CATSPERE: variants seen among roughly 807,000 people sequenced by gnomAD.
CATSPERE encodes cation channel sperm-associated auxiliary subunit epsilon.
In CATSPERE, 93 loss-of-function variants were observed where a neutral mutation model predicts 114.1. That is an observed-to-expected ratio of 0.81 (90% CI 0.69 to 0.97). The LOEUF is 0.97. CATSPERE is among the 50% of genes least tolerant of loss of function. The probability of loss-of-function intolerance (pLI) is 0.00; values close to 1 mark genes in which losing one functional copy is unlikely to be tolerated. For missense variants in CATSPERE, 1,058 were observed against 1,131.6 expected, an observed-to-expected ratio of 0.93 and a Z score of 0.93; for synonymous variants, 341 against 384.1, an observed-to-expected ratio of 0.89 and a Z score of 1.31.
At chr1:244,606,941 C>T (rs1461077241) in intron 18 of CATSPERE, among the ~76,000 whole-genome samples, 1 of 152,020 alleles carries the variant, frequency 6.6e-6, no homozygotes, top group Non-Finnish European at 1.5e-5. Context: ...TCCGTCCCAC[C>T]ACACATTCCA....
chr1:244,545,355 A>T (rs747354798), intron 8 of CATSPERE, among the ~76,000 whole-genome samples: 1 of 152,200 alleles, frequency 6.6e-6, no homozygotes, highest in Non-Finnish European at 1.5e-5. Flanking sequence ...TGGGATTGTT[A>T]TGCTGGGCCA....
chr1:244,555,436 T>C (rs1661441074), intron 9 of CATSPERE, among the ~76,000 whole-genome samples: 1 of 150,076 alleles, frequency 6.7e-6, no homozygotes, highest in South Asian at 2.1e-4. Context: ...CTCAAAATTA[T>C]AAAAGCCATA....
At chr1:244,460,922 AAAC>A (rs558584933), upstream of CATSPERE, among the ~76,000 whole-genome samples, 95 of 152,338 alleles carry the variant, frequency 6.2e-4, no homozygotes, top group African/African-American at 1.8e-3. Flanking sequence ...TCTCAAAAAC[AAAC>A]AACAACAAAA....
At chr1:244,632,270 T>G (rs1329067352) in intron 20 of CATSPERE, among the ~76,000 whole-genome samples, 1 of 151,726 alleles carries the variant, frequency 6.6e-6, no homozygotes, top group Non-Finnish European at 1.5e-5. Flanking sequence ...GGTGTGCGCC[T>G]TTAATGCCAG....
intron 5 of CATSPERE, 82 bp downstream of exon 5, chr1:244,479,866 T>G: frequency 4.2e-6 from 3 of 716,620 alleles, no homozygotes; most frequent in Middle Eastern, 3.5e-4. Flanking sequence ...AAATAGATTA[T>G]CTATATTACG....
chr1:244,610,309 G>A lies in CATSPERE; in HGVS notation c.2473G>A (p.Glu825Lys), dbSNP rs1670537418. 1 of 1,611,352 alleles carries A rather than the reference G, an allele frequency of 6.2e-7. No homozygotes were observed. The highest frequency in any genetic ancestry group is 8.5e-7 in the Non-Finnish European group (1 of 1,177,868). Residue 825 changes from glutamate to lysine, a missense_variant, in exon 19 of 22, where the codon GAA (glutamate) becomes AAA (lysine). Physicochemically the swap from Glu to Lys is moderately conservative, Grantham distance 56 (BLOSUM62 1). Around this residue, in one of 2 missense-constraint regions of CATSPERE, gnomAD observed 787 missense variants for 905.6 expected, o/e 0.87. Transcript: ENST00000366534. ...ACTTAACAAGCACCTCCCACTAGAA[G>A]AAGTCTGGGGACCTGAGGTAAGAGA... ...IELNKHLPLEEVWGPENYKHC... is the reference protein window; with the variant it reads ...IELNKHLPLEKVWGPENYKHC...
rs1240366770 is a variant in CATSPERE, at chr1:244,518,598, A to G, written c.436A>G (p.Ile146Val). ...ATTTAATTTGTTTTTACAGAATTCCATAGTACTCAGCACACAGATGGCCAC... is the reference window on the plus strand; with the variant it reads ...ATTTAATTTGTTTTTACAGAATTCCGTAGTACTCAGCACACAGATGGCCAC... ...GNAEEPSINS[I>V]VLSTQMATLG... The change falls in exon 8 of 22, where the codon ATA (isoleucine) becomes GTA (valine). Residue 146 changes from isoleucine to valine, a missense_variant. Physicochemically the swap from Ile to Val is conservative, Grantham distance 29. Coordinates refer to ENST00000366534, the MANE Select transcript of CATSPERE (RefSeq NM_001130957.2). The G allele has an allele frequency of 6.4e-7, 1 of 1,561,202 alleles. No homozygotes were observed. The highest frequency in any genetic ancestry group is 1.4e-5 in the African/African-American group (1 of 73,826).
At chr1:244,629,167 C>A (rs531047379) in intron 20 of CATSPERE, among the ~76,000 whole-genome samples, 54 of 152,292 alleles carry the variant, frequency 3.5e-4, no homozygotes, top group African/African-American at 1.2e-3. Flanking sequence ...ATCAGAACTT[C>A]CGCAGTCACA....
intron 7 of CATSPERE, among the ~76,000 whole-genome samples, chr1:244,514,685 TG>T (rs1222948404): frequency 5.3e-5 from 8 of 151,808 alleles, no homozygotes; most frequent in African/African-American, 1.7e-4. Context: ...AAAAATTAGC[TG>T]GGCGTTGTGG....
chr1:244,558,993 T>C (rs1662127306), intron 9 of CATSPERE, among the ~76,000 whole-genome samples: 2 of 152,176 alleles, frequency 1.3e-5, no homozygotes, highest in Non-Finnish European at 2.9e-5. Flanking sequence ...AAAGACTTAC[T>C]ACCTTACATT....
At chr1:244,627,984 A>T (rs1673424687) in intron 20 of CATSPERE, among the ~76,000 whole-genome samples, 1 of 152,212 alleles carries the variant, frequency 6.6e-6, no homozygotes, top group Non-Finnish European at 1.5e-5. Context: ...AACCTGCCTG[A>T]TAGTCACTTA....
At chr1:244,627,178 A>G (rs998799032) in intron 20 of CATSPERE, among the ~76,000 whole-genome samples, 3 of 152,162 alleles carry the variant, frequency 2.0e-5, no homozygotes, top group African/African-American at 7.2e-5. Flanking sequence ...GGGGTCAGTG[A>G]TCAGTCAGAG....
Position 244,621,142 on chromosome 1 carries a change from A to ATATC in CATSPERE, c.2648+3459_2648+3460insCTAT, listed in dbSNP as rs1672179665. ...ATATATATATAAATATATATAAAAT[A>ATATC]TATATATTATAAAATATATATATTA... is the stretch of plus-strand genomic sequence containing the variant. On this transcript the variant is annotated intron_variant, in intron 20 of 21. Transcript: ENST00000366534. Among the ~76,000 whole-genome samples, 3 of 27,602 alleles carry ATATC rather than the reference A, an allele frequency of 1.1e-4. 1 individual carries two copies. Among genetic ancestry groups the ATATC allele is most frequent in the South Asian group, 2.0e-3 (2 of 986 alleles). The allele number at this position is 27,602 out of a possible 152,430, so 18.1% of individuals were successfully genotyped here.
intron 8 of CATSPERE, among the ~76,000 whole-genome samples, chr1:244,528,664 T>C (rs1262422052): frequency 6.6e-6 from 1 of 152,110 alleles, no homozygotes; most frequent in Non-Finnish European, 1.5e-5. Flanking sequence ...CTTTTAGTTA[T>C]TTTTAAACAT....
At chr1:244,638,091 A>G (rs1674860444) in intron 21 of CATSPERE, among the ~76,000 whole-genome samples, 1 of 152,100 alleles carries the variant, frequency 6.6e-6, no homozygotes, top group African/African-American at 2.4e-5. Flanking sequence ...TTTCCCTTTC[A>G]ACTAGATCCT....
chr1:244,499,448 A>C (rs1352806521), intron 7 of CATSPERE, among the ~76,000 whole-genome samples: 2 of 151,972 alleles, frequency 1.3e-5, no homozygotes, highest in Admixed American at 1.3e-4. Flanking sequence ...CTAGGTTTTC[A>C]GCCCTGTATG....
intron 19 of CATSPERE, among the ~76,000 whole-genome samples, chr1:244,611,100 T>G (rs971450515): frequency 3.3e-5 from 5 of 152,174 alleles, no homozygotes; most frequent in African/African-American, 1.2e-4. Context: ...CGTTTATAAC[T>G]ATGACACATT....
intron 7 of CATSPERE, among the ~76,000 whole-genome samples, chr1:244,517,958 TAAAC>T (rs1676913953): frequency 6.6e-6 from 1 of 152,110 alleles, no homozygotes; most frequent in Admixed American, 6.6e-5. Flanking sequence ...TTTAGAAAAT[TAAAC>T]AAAAGCAGTA....
At chr1:244,542,533 T>C (rs1036724038) in intron 8 of CATSPERE, among the ~76,000 whole-genome samples, 1 of 152,064 alleles carries the variant, frequency 6.6e-6, no homozygotes, top group African/African-American at 2.4e-5. Context: ...CTTTATGTCC[T>C]TGTGTACCTG....
Sources: allele counts gnomAD v4.1 joint callset (sites outside exome capture counted in the v4.1 genomes callset), GRCh38; gene constraint gnomAD v4.1.1; regional missense constraint gnomAD v4.1.1; transcripts MANE v1.5; gene names NCBI Gene and HGNC (gene_info 2026-07-23, HGNC 2026-07-21).